Variants in RREB1 observed in about 807,000 individuals in gnomAD.
The protein encoded by RREB1 is ras-responsive element-binding protein 1.
A neutral mutation model predicts 117.8 loss-of-function variants in RREB1; 27 were observed. The observed-to-expected ratio is 0.23, with a 90% confidence interval of 0.17 to 0.32. The LOEUF is 0.32. Ranked by LOEUF, RREB1 falls within the 10% of genes least tolerant of loss-of-function variation. RREB1 has a pLI of 1.00. For synonymous variants in RREB1, 1,298 were observed against 1,026.7 expected (o/e 1.26, Z -5.05); for missense variants, 2,577 against 2,378.2 (o/e 1.08, Z -1.74).
rs749692019 is a variant in RREB1, at chr6:7,231,137, A to G, written c.3038A>G (p.Gln1013Arg). The G allele has an allele frequency of 8.7e-6, 14 of 1,612,390 alleles. No individual in the cohort carries two copies. Among genetic ancestry groups the G allele is most frequent in the African/African-American group, 1.3e-5 (1 of 74,900 alleles). ...PPAQPLQGPV[Q>R]LAVPIYSSAL... ...GCACAGCCCCTGCAGGGCCCTGTTC[A>G]GCTGGCGGTCCCAATCTACTCCTCA... Residue 1013 changes from glutamine (Q) to arginine (R), a missense_variant, in exon 10 of 13, where the codon CAG (glutamine) becomes CGG (arginine). Physicochemically the swap from Gln to Arg is conservative, Grantham distance 43 (BLOSUM62 1). Coordinates refer to ENST00000379938, the MANE Select transcript of RREB1 (RefSeq NM_001003699.4).
chr6:7,228,387 G>C (rs1162833607), intron 9 of RREB1, among the ~76,000 whole-genome samples: 1 of 151,560 alleles, frequency 6.6e-6, no homozygotes. Flanking sequence ...AGAATCTCTA[G>C]TGAGATACCC....
At chr6:7,120,454 A>G (rs1295092829) in intron 1 of RREB1, among the ~76,000 whole-genome samples, 1 of 152,162 alleles carries the variant, frequency 6.6e-6, no homozygotes, top group Admixed American at 6.5e-5. Context: ...ACCCCTTCTC[A>G]AAAAGAAAAA....
chr6:7,126,389 C>T (rs1410772073), intron 1 of RREB1, among the ~76,000 whole-genome samples: 1 of 152,050 alleles, frequency 6.6e-6, no homozygotes, highest in African/African-American at 2.4e-5. Flanking sequence ...CTGTCTTAGC[C>T]TCCCTAGTAG....
At chr6:7,112,817 C>G (rs1164337082) in intron 1 of RREB1, among the ~76,000 whole-genome samples, 1 of 152,174 alleles carries the variant, frequency 6.6e-6, no homozygotes. Flanking sequence ...CGACTGTGCT[C>G]CGCCCAATTT....
chr6:7,181,294 G>A lies in RREB1; in HGVS notation c.-43+48G>A, dbSNP rs1162842743. On this transcript the variant is annotated intron_variant, in intron 3 of 12. Coordinates refer to ENST00000379938, the MANE Select transcript of RREB1 (RefSeq NM_001003699.4). The stretch of plus-strand genomic sequence containing the variant: ...GGTTCTTCTTTCCCTCCTAGGGTAC[G>A]TTACCTGCTTTATACATATTTTTTA... The A allele has an allele frequency of 1.0e-5, 4 of 398,716 alleles. 1 individual carries two copies. Among genetic ancestry groups the A allele is most frequent in the Middle Eastern group, 1.2e-3 (2 of 1,614 alleles). 24.7% of individuals were successfully genotyped at this position (398,716 alleles called of 1,614,324 possible). A position where few individuals can be genotyped will look rare whatever the true frequency, so the allele number is the denominator to read the frequency against.
intron 8 of RREB1, among the ~76,000 whole-genome samples, chr6:7,221,318 G>A (rs1440814748): frequency 2.0e-5 from 3 of 152,078 alleles, no homozygotes; most frequent in East Asian, 1.9e-4. Flanking sequence ...ACAGGCGCCC[G>A]CCACTGCGCC....
intron 6 of RREB1, among the ~76,000 whole-genome samples, chr6:7,205,168 G>A (rs1039723287): frequency 5.3e-5 from 8 of 152,180 alleles, no homozygotes; most frequent in Non-Finnish European, 1.2e-4. Flanking sequence ...ACTTAAGCAG[G>A]CTTCAGTATC....
chr6:7,221,709 G>T (rs531530712), intron 8 of RREB1, among the ~76,000 whole-genome samples: 1 of 152,232 alleles, frequency 6.6e-6, no homozygotes, highest in South Asian at 2.1e-4. Context: ...CAGGAGGCAG[G>T]TGAAGGGAGC....
chr6:7,179,881 G>A (rs1764702103), intron 2 of RREB1, among the ~76,000 whole-genome samples: 1 of 152,070 alleles, frequency 6.6e-6, no homozygotes, highest in African/African-American at 2.4e-5. Context: ...GAACTCCTGG[G>A]TTCGAGTTGA....
At chr6:7,213,955 T>C (rs1766754018) in intron 8 of RREB1, 3 of 152,282 alleles carry the variant, frequency 2.0e-5, no homozygotes, top group African/African-American at 4.8e-5. Context: ...CAAGCCTGCA[T>C]AGCATGGTGT....
In RREB1 at chr6:7,228,495, C is replaced by CTTTTTTTT. The variant is rs568193582; in HGVS notation, c.898-483_898-476dup. 1.2e-4 allele frequency among the ~76,000 whole-genome samples: 11 copies of CTTTTTTTT among 91,206 alleles called. 1 individual carries two copies. Among genetic ancestry groups the CTTTTTTTT allele is most frequent in the African/African-American group, 4.6e-4 (10 of 21,790 alleles). The allele number at this position is 91,206 out of a possible 152,430, so 59.8% of individuals were successfully genotyped here. On this transcript the variant is annotated intron_variant, in intron 9 of 12. Transcript: ENST00000379938. ...GTGTTAGCAAGCAGGAGAAGGTCAA[C>CTTTTTTTT]TTTTTTTTTTTTTTTTTTTTTTTTT...
intron 1 of RREB1, among the ~76,000 whole-genome samples, chr6:7,166,419 G>T (rs771712808): frequency 2.0e-5 from 3 of 152,232 alleles, no homozygotes; most frequent in South Asian, 4.1e-4. Flanking sequence ...ATGCACAGTA[G>T]TAAATACTTT....
intron 1 of RREB1, among the ~76,000 whole-genome samples, chr6:7,130,202 A>G (rs955285675): frequency 2.0e-5 from 3 of 152,208 alleles, no homozygotes; most frequent in Admixed American, 6.5e-5. Flanking sequence ...TTTACTGATA[A>G]TTCCTCCAAA....
intron 9 of RREB1, 133 bp downstream of exon 9, chr6:7,226,789 C>T (rs1341983918): frequency 1.4e-6 from 1 of 714,774 alleles, no homozygotes; most frequent in Non-Finnish European, 2.4e-6. Flanking sequence ...TTTGTAACAC[C>T]TTTTTTCTTA....
At chr6:7,157,607 CA>C (rs142156276) in intron 1 of RREB1, among the ~76,000 whole-genome samples, 2 of 147,198 alleles carry the variant, frequency 1.4e-5, no homozygotes, top group Admixed American at 6.8e-5. Flanking sequence ...TCCGTCTCTC[CA>C]AAAAAAAAAT....
Position 7,230,485 on chromosome 6 carries a change from A to C in RREB1, c.2386A>C (p.Ser796Arg). ...GRKPFECKEC[S>R]AAFAAKRNCI... Reference sequence around the variant, plus strand: ...CAAGCCCTTCGAGTGCAAGGAGTGCAGCGCCGCGTTCGCGGCCAAGCGCAA... The same window carrying C: ...CAAGCCCTTCGAGTGCAAGGAGTGCCGCGCCGCGTTCGCGGCCAAGCGCAA... The change falls in exon 10 of 13, where the codon AGC (serine) becomes CGC (arginine). Residue 796 changes from serine to arginine, a missense_variant. Physicochemically the swap from Ser to Arg is moderately radical, Grantham distance 110 (BLOSUM62 -1). Transcript: ENST00000379938. 1 of 1,594,670 alleles carries C rather than the reference A, an allele frequency of 6.3e-7. No homozygotes were observed.
At chr6:7,242,482 TA>T (rs1218666472) in intron 11 of RREB1, among the ~76,000 whole-genome samples, 1 of 151,902 alleles carries the variant, frequency 6.6e-6, no homozygotes, top group Non-Finnish European at 1.5e-5. Flanking sequence ...AAAGAGAAAA[TA>T]CATGTTTGGT....
chr6:7,225,038 C>A (rs1464013096), intron 8 of RREB1, among the ~76,000 whole-genome samples: 2 of 152,172 alleles, frequency 1.3e-5, no homozygotes, highest in African/African-American at 4.8e-5. Flanking sequence ...GGCACTTCTT[C>A]CTTTCAGTGC....
At chr6:7,222,703 T>G (rs1767334843) in intron 8 of RREB1, among the ~76,000 whole-genome samples, 1 of 152,074 alleles carries the variant, frequency 6.6e-6, no homozygotes, top group Non-Finnish European at 1.5e-5. Flanking sequence ...GGTGCACACC[T>G]GTAGCCCTAG....
Sources: allele counts gnomAD v4.1 joint callset (sites outside exome capture counted in the v4.1 genomes callset), GRCh38; gene constraint gnomAD v4.1.1; transcripts MANE v1.5; gene names NCBI Gene and HGNC (gene_info 2026-07-23, HGNC 2026-07-21).